Variants in HSPA12A observed in about 807,000 individuals in gnomAD.
HSPA12A encodes heat shock 70 kDa protein 12A.
In HSPA12A, 28 loss-of-function variants were observed where a neutral mutation model predicts 69.2. The observed-to-expected ratio is 0.40, with a 90% CI of 0.30 to 0.55. The LOEUF is 0.55. Ranked by LOEUF, HSPA12A falls within the 20% of genes least tolerant of loss-of-function variation. The pLI is 0.38. For synonymous variants in HSPA12A, 345 were observed against 370.5 expected, an observed-to-expected ratio of 0.93 and a Z score of 0.79; for missense variants, 686 against 900.7, an observed-to-expected ratio of 0.76 and a Z score of 3.05.
intron 2 of HSPA12A, among the ~76,000 whole-genome samples, chr10:116,754,757 G>T (rs547197104): frequency 4.0e-4 from 61 of 152,288 alleles, no homozygotes; most frequent in Admixed American, 2.6e-3. Flanking sequence ...TTAAACACAG[G>T]TAAGTTATAA....
Position 116,849,675 on chromosome 10 carries a change from G to T in HSPA12A, c.-107C>A, listed in dbSNP as rs769289614. On this transcript the variant is annotated 5_prime_UTR_variant, in exon 1 of 13. Coordinates refer to the HSPA12A transcript ENST00000635765. Reference sequence around the variant, plus strand: ...GGAGAACGACGTTCCGCGCAGGCTGGAAGAGCTGCTCAACTCCACCTTCTA... The same window carrying T: ...GGAGAACGACGTTCCGCGCAGGCTGTAAGAGCTGCTCAACTCCACCTTCTA... 7 of 1,549,808 alleles carry T rather than the reference G, an allele frequency of 4.5e-6. No homozygotes were observed. The South Asian group carries it at 7.1e-5, about 16-fold the overall frequency.
At chr10:116,750,509 G>A in intron 2 of HSPA12A, 1 of 471,138 alleles carries the variant, frequency 2.1e-6, no homozygotes, top group Admixed American at 2.9e-5. Flanking sequence ...CAGTCAGAAT[G>A]TCGTGGATTA....
intron 2 of HSPA12A, among the ~76,000 whole-genome samples, chr10:116,781,371 T>C (rs1007103222): frequency 1.3e-5 from 2 of 152,130 alleles, no homozygotes; most frequent in East Asian, 3.9e-4. Flanking sequence ...ATGATGATGA[T>C]GATGATGATG....
chr10:116,819,842 T>A (rs1845378726), intron 2 of HSPA12A, among the ~76,000 whole-genome samples: 1 of 152,210 alleles, frequency 6.6e-6, no homozygotes, highest in Admixed American at 6.5e-5. Flanking sequence ...TTTTGGTTTT[T>A]TGTTTGTTTT....
Position 116,671,240 on chromosome 10 carries a change from T to C in HSPA12A, c.*3541A>G, listed in dbSNP as rs1448710944. ...TAGGCGTCTGTGAAGACAAGAGAGT[T>C]TGCAGACACAGTCCCGTCTGGTGGT... On this transcript the variant is annotated 3_prime_UTR_variant, in exon 12 of 12. Coordinates refer to ENST00000369209, the MANE Select transcript of HSPA12A (RefSeq NM_025015.3). 1 of 152,160 alleles carries C rather than the reference T, an allele frequency of 6.6e-6. No individual in the cohort carries two copies. Among genetic ancestry groups the C allele is most frequent in the East Asian group, 1.9e-4 (1 of 5,190 alleles). The allele number at this position is 152,160 out of a possible 1,614,324, so 9.4% of individuals were successfully genotyped here. A position where few individuals can be genotyped will look rare whatever the true frequency, so the allele number is the denominator to read the frequency against.
At chr10:116,836,961 A>G (rs1006750350) in intron 1 of HSPA12A, among the ~76,000 whole-genome samples, 3 of 152,196 alleles carry the variant, frequency 2.0e-5, no homozygotes, top group Non-Finnish European at 4.4e-5. Flanking sequence ...TCCTTACAGA[A>G]GTATACACTA....
At chr10:116,836,050 T>C (rs1411075571) in intron 1 of HSPA12A, among the ~76,000 whole-genome samples, 1 of 152,218 alleles carries the variant, frequency 6.6e-6, no homozygotes, top group East Asian at 1.9e-4. Context: ...CTCAGCATAT[T>C]AAGCAAATAG....
chr10:116,717,701 C>T (rs887853290), intron 1 of HSPA12A, among the ~76,000 whole-genome samples: 3 of 152,280 alleles, frequency 2.0e-5, no homozygotes, highest in Admixed American at 6.5e-5. Flanking sequence ...ATCGTTCCAA[C>T]TGCTGCTGAA....
intron 2 of HSPA12A, chr10:116,829,336 CCTCTTTCCTTTAT>C (rs1458601888): frequency 1.9e-4 from 29 of 153,162 alleles, no homozygotes; most frequent in Admixed American, 1.8e-3. Context: ...GTCCATTAAA[CCTCTTTCCTTTAT>C]AAATTACCCA....
intron 2 of HSPA12A, among the ~76,000 whole-genome samples, chr10:116,771,645 G>T (rs1554890506): frequency 6.6e-6 from 1 of 152,244 alleles, no homozygotes; most frequent in African/African-American, 2.4e-5. Flanking sequence ...ATCCCTGCCT[G>T]CCAGCATGTT....
intron 2 of HSPA12A, among the ~76,000 whole-genome samples, chr10:116,794,584 G>A (rs1844777942): frequency 6.6e-6 from 1 of 152,180 alleles, no homozygotes; most frequent in Non-Finnish European, 1.5e-5. Context: ...GAGGCAAGGT[G>A]GGTGGATAAC....
chr10:116,738,743 T>TA (rs1302829875), intron 1 of HSPA12A, among the ~76,000 whole-genome samples: 6 of 152,118 alleles, frequency 3.9e-5, no homozygotes, highest in Non-Finnish European at 7.4e-5. Context: ...TGAGAGGTGA[T>TA]ACCTTAACTG....
upstream of HSPA12A, chr10:116,849,806 C>G: frequency 7.1e-7 from 1 of 1,411,254 alleles, no homozygotes; most frequent in Non-Finnish European, 9.5e-7. Flanking sequence ...ACGCCTTGCG[C>G]CTGCGCCTGC....
chr10:116,750,462 A>T, intron 2 of HSPA12A: 4 of 556,276 alleles, frequency 7.2e-6, no homozygotes, highest in Non-Finnish European at 1.3e-5. Context: ...TTTGAAAACA[A>T]GGAATTTAAT....
chr10:116,747,373 T>C (rs1851671415), upstream of HSPA12A, among the ~76,000 whole-genome samples: 1 of 152,340 alleles, frequency 6.6e-6, no homozygotes, highest in East Asian at 1.9e-4. Flanking sequence ...CAATGGCTCG[T>C]CTATGGTTAG....
chr10:116,805,147 T>C (rs947335035), intron 2 of HSPA12A, among the ~76,000 whole-genome samples: 1 of 152,054 alleles, frequency 6.6e-6, no homozygotes, highest in African/African-American at 2.4e-5. Context: ...AAACCCTGTC[T>C]CTACTAAAAA....
At chr10:116,826,184 C>T (rs1845502025) in intron 2 of HSPA12A, among the ~76,000 whole-genome samples, 1 of 152,204 alleles carries the variant, frequency 6.6e-6, no homozygotes. Flanking sequence ...CCCCGCCTCC[C>T]TCCACCTTCA....
At chr10:116,715,936 G>A (rs964632411) in intron 1 of HSPA12A, among the ~76,000 whole-genome samples, 8 of 152,180 alleles carry the variant, frequency 5.3e-5, no homozygotes, top group South Asian at 2.1e-4. Context: ...GAGGCTGGTC[G>A]GCCCAGTAGA....
At position 116,819,617 on chromosome 10, in the gene HSPA12A, A is replaced by AATAATGT. The variant is rs531710757; in HGVS notation, c.91+15317_91+15318insACATTAT. 9.8e-3 allele frequency among the ~76,000 whole-genome samples: 1,497 copies of AATAATGT among 152,268 alleles called. 21 individuals are homozygous for AATAATGT. Among genetic ancestry groups the AATAATGT allele is most frequent in the African/African-American group, 0.033 (1,391 of 41,542 alleles). Reference sequence around the variant, plus strand: ...GATTTTGGACTTCCCAGCCTCCAGAACTGTGAGCAATAAATGTCTGTTGTT... The same window carrying AATAATGT: ...GATTTTGGACTTCCCAGCCTCCAGAAATAATGTCTGTGAGCAATAAATGTCTGTTGTT... On this transcript the variant is annotated intron_variant, in intron 2 of 12. Transcript: ENST00000635765.
Sources: allele counts gnomAD v4.1 joint callset (sites outside exome capture counted in the v4.1 genomes callset), GRCh38; gene constraint gnomAD v4.1.1; transcripts MANE v1.5; gene names NCBI Gene and HGNC (gene_info 2026-07-23, HGNC 2026-07-21).